Variants in ADAMTS20 observed in about 807,000 individuals in gnomAD.
ADAMTS20 encodes the protein ADAM metallopeptidase with thrombospondin type 1 motif 20.
ADAMTS20 carries 225 observed loss-of-function variants against 260.1 expected under a neutral mutation model. That is an observed-to-expected ratio of 0.87 (90% CI 0.78 to 0.97). The LOEUF (loss-of-function observed/expected upper bound fraction) is 0.97, where lower values mean the gene tolerates loss of function less well. Ranked by LOEUF, ADAMTS20 falls within the 50% of genes least tolerant of loss-of-function variation. The probability of loss-of-function intolerance (pLI) is 0.00; values close to 1 mark genes in which losing one functional copy is unlikely to be tolerated. For synonymous variants in ADAMTS20, 802 were observed against 769.5 expected, an observed-to-expected ratio of 1.04 and a Z score of -0.70; for missense variants, 2,400 against 2,337.7, an observed-to-expected ratio of 1.03 and a Z score of -0.55.
At chr12:43,374,284 T>G (rs1940173600) in intron 36 of ADAMTS20, among the ~76,000 whole-genome samples, 1 of 152,178 alleles carries the variant, frequency 6.6e-6, no homozygotes, top group African/African-American at 2.4e-5. Context: ...TTATATATTA[T>G]ATATTCATGC....
At chr12:43,527,431 A>G (rs1037711813) in intron 3 of ADAMTS20, among the ~76,000 whole-genome samples, 1 of 152,226 alleles carries the variant, frequency 6.6e-6, no homozygotes, top group African/African-American at 2.4e-5. Context: ...AAATGAAACA[A>G]AAATCCTCAA....
chr12:43,421,603 C>T (rs1941239794), intron 28 of ADAMTS20, among the ~76,000 whole-genome samples: 2 of 151,978 alleles, frequency 1.3e-5, no homozygotes, highest in South Asian at 4.1e-4. Context: ...AAAACTTTTA[C>T]TCACCTTTTA....
chr12:43,548,220 C>A (rs1674174660), intron 2 of ADAMTS20, among the ~76,000 whole-genome samples: 1 of 152,150 alleles, frequency 6.6e-6, no homozygotes, highest in Non-Finnish European at 1.5e-5. Flanking sequence ...AAGAGAACAT[C>A]TCTAAATTAA....
intron 29 of ADAMTS20, among the ~76,000 whole-genome samples, chr12:43,393,158 A>C (rs1361505567): frequency 6.6e-6 from 1 of 151,904 alleles, no homozygotes; most frequent in Non-Finnish European, 1.5e-5. Context: ...ACTATCATCC[A>C]CTCTTAAGTG....
At chr12:43,431,265 A>T in intron 22 of ADAMTS20, 67 bp downstream of exon 22, 1 of 1,523,060 alleles carries the variant, frequency 6.6e-7, no homozygotes, top group Non-Finnish European at 8.9e-7. Context: ...AGGAGTAAAT[A>T]TAACACAACT....
At position 43,443,778 on chromosome 12, in the gene ADAMTS20, G is replaced by C. The variant is rs181010368; in HGVS notation, c.2290+13C>G. On this transcript the variant is annotated intron_variant, in intron 16 of 38. Transcript: ENST00000389420. ...AAGCCACATACTGGCTGTTGTTTAC[G>C]AGAAATGTTTACCAAGGTAACTGTC... The C allele has an allele frequency of 1.1e-5, 18 of 1,605,504 alleles. No individual in the cohort carries two copies. In the African/African-American group the frequency reaches 2.4e-4, roughly 21 times the overall value.
At chr12:43,396,058 G>C (rs1013162036) in intron 29 of ADAMTS20, among the ~76,000 whole-genome samples, 1 of 151,886 alleles carries the variant, frequency 6.6e-6, no homozygotes, top group African/African-American at 2.4e-5. Flanking sequence ...AGTGGGGGTG[G>C]GGTGGGATTA....
At chr12:43,422,368 A>T (rs1941252672) in intron 28 of ADAMTS20, among the ~76,000 whole-genome samples, 1 of 151,988 alleles carries the variant, frequency 6.6e-6, no homozygotes, top group African/African-American at 2.4e-5. Flanking sequence ...AAAGTTATCC[A>T]TGAAAGAATA....
intron 3 of ADAMTS20, among the ~76,000 whole-genome samples, chr12:43,530,322 G>T (rs1437602284): frequency 6.6e-6 from 1 of 152,122 alleles, no homozygotes; most frequent in South Asian, 2.1e-4. Context: ...AGCTGCTCTT[G>T]AATAGTAGAT....
At chr12:43,516,214 G>T (rs1942997855) in intron 3 of ADAMTS20, among the ~76,000 whole-genome samples, 1 of 150,656 alleles carries the variant, frequency 6.6e-6, no homozygotes, top group Admixed American at 6.6e-5. Flanking sequence ...ACACATGCTA[G>T]GGCCAGCCAA....
At chr12:43,526,895 CA>C (rs2137493702) in intron 3 of ADAMTS20, among the ~76,000 whole-genome samples, 1 of 151,858 alleles carries the variant, frequency 6.6e-6, no homozygotes, top group East Asian at 1.9e-4. Context: ...ATCAATGAAA[CA>C]AAAACCTGGT....
At position 43,462,356 on chromosome 12, in the gene ADAMTS20, C is replaced by T. The variant is rs565583302; in HGVS notation, c.1614+539G>A. Among the ~76,000 whole-genome samples the T allele has an allele frequency of 5.5e-4, 83 of 152,260 alleles. 2 individuals are homozygous for T. Among genetic ancestry groups the T allele is most frequent in the African/African-American group, 1.7e-3 (72 of 41,550 alleles). ...AGACACTTTTCATTATCATGGTGAG[C>T]GTTATTCAACATCATGTTGACAGCT... On this transcript the variant is annotated intron_variant, in intron 11 of 38. Transcript: ENST00000389420.
chr12:43,521,891 T>C (rs1274060208), intron 3 of ADAMTS20, among the ~76,000 whole-genome samples: 1 of 152,142 alleles, frequency 6.6e-6, no homozygotes, highest in Non-Finnish European at 1.5e-5. Context: ...AAATGTCACA[T>C]TCCCTCTTGG....
chr12:43,494,788 GA>G (rs1028457842), intron 4 of ADAMTS20, among the ~76,000 whole-genome samples: 23 of 151,028 alleles, frequency 1.5e-4, no homozygotes, highest in African/African-American at 5.6e-4. Flanking sequence ...CTACCATGGA[GA>G]AAAAAAAAGC....
chr12:43,539,164 G>A (rs945099439), intron 2 of ADAMTS20, among the ~76,000 whole-genome samples: 1 of 151,874 alleles, frequency 6.6e-6, no homozygotes, highest in Non-Finnish European at 1.5e-5. Context: ...TCTTGGCCAG[G>A]CTGGTCTTGA....
chr12:43,484,569 A>G (rs1234936446), intron 7 of ADAMTS20, among the ~76,000 whole-genome samples: 1 of 152,208 alleles, frequency 6.6e-6, no homozygotes, highest in South Asian at 2.1e-4. Context: ...AAGGAGTCTA[A>G]CAACAGACTA....
At chr12:43,545,732 C>T (rs1291572696) in intron 2 of ADAMTS20, among the ~76,000 whole-genome samples, 1 of 152,144 alleles carries the variant, frequency 6.6e-6, no homozygotes, top group Non-Finnish European at 1.5e-5. Context: ...CTTGCTTGGA[C>T]TGCCCAGCAG....
chr12:43,480,261 G>A (rs1052040200), intron 7 of ADAMTS20, among the ~76,000 whole-genome samples: 1 of 152,058 alleles, frequency 6.6e-6, no homozygotes, highest in Admixed American at 6.6e-5. Flanking sequence ...AAAATTACAG[G>A]CCATCTTCAC....
intron 7 of ADAMTS20, among the ~76,000 whole-genome samples, chr12:43,480,456 T>C (rs555197227): frequency 1.3e-5 from 2 of 152,276 alleles, no homozygotes; most frequent in African/African-American, 2.4e-5. Context: ...AGGAGTGGGA[T>C]TGCTATATCA....
Sources: gnomAD v4.1 joint callset for allele counts (sites outside exome capture counted in the v4.1 genomes callset) on GRCh38, gnomAD v4.1.1 for gene constraint, MANE v1.5 for transcripts, NCBI Gene and HGNC (gene_info 2026-07-23, HGNC 2026-07-21) for gene names.